The following GSR variants were observed in gnomAD, a reference collection of about 807,000 sequenced individuals.
The protein encoded by GSR is glutathione-disulfide reductase, also known as glutathione reductase, mitochondrial.
In GSR, 48 loss-of-function variants were observed where a neutral mutation model predicts 56.5. That is an observed-to-expected ratio of 0.85 (90% CI 0.67 to 1.08). The LOEUF is 1.08. GSR is among the 50% of genes least tolerant of loss of function. The pLI is 0.00. For missense variants in GSR, 694 were observed against 703.3 expected, an observed-to-expected ratio of 0.99 and a Z score of 0.15; for synonymous variants, 264 against 270.8, an observed-to-expected ratio of 0.97 and a Z score of 0.25.
At chr8:30,689,389 T>C in intron 8 of GSR, 70 bp from the exon 9 acceptor site, 1 of 1,258,962 alleles carries the variant, frequency 7.9e-7, no homozygotes, top group Non-Finnish European at 1.2e-6. Flanking sequence ...GGAAAGCAAA[T>C]ACAGAGGAAA....
rs202232422 is a variant in GSR, at chr8:30,689,138, T to C, written c.1041+23A>G. On this transcript the variant is annotated intron_variant, in intron 9 of 12. Transcript: ENST00000221130. ...GACTCCTAGTAGATTCACAAATGTTTCGGGCAGACCAAGCCAGCTTACCAG... is the reference window on the plus strand; with the variant it reads ...GACTCCTAGTAGATTCACAAATGTTCCGGGCAGACCAAGCCAGCTTACCAG... 2.9e-5 allele frequency: 46 copies of C among 1,612,496 alleles called. No individual in the cohort carries two copies. In the East Asian group the frequency reaches 9.8e-4, roughly 34 times the overall value.
intron 1 of GSR, among the ~76,000 whole-genome samples, chr8:30,725,190 C>T (rs1804682765): frequency 1.3e-5 from 2 of 152,158 alleles, no homozygotes; most frequent in South Asian, 4.1e-4. Context: ...TGCCTGTAAT[C>T]CCAGCATTTT....
intron 1 of GSR, 49 bp downstream of exon 1, chr8:30,727,481 G>T: frequency 1.3e-6 from 2 of 1,490,282 alleles, no homozygotes; most frequent in South Asian, 1.2e-5. Context: ...TCCCCCGAAA[G>T]ACCGAGACAA....
rs556155115 is a variant in GSR, at chr8:30,720,736, G to C, written c.306+6794C>G. On this transcript the variant is annotated intron_variant, in intron 1 of 12. Transcript: ENST00000221130. ...AGAAAATCAATGGATACATTTGCAAGAGATATTAACAAAGGCTGTTTTTGT... is the reference window on the plus strand; with the variant it reads ...AGAAAATCAATGGATACATTTGCAACAGATATTAACAAAGGCTGTTTTTGT... Among the ~76,000 whole-genome samples the C allele has an allele frequency of 8.2e-4, 125 of 151,686 alleles. 1 individual carries two copies. The South Asian group carries it at 0.01, about 12-fold the overall frequency.
chr8:30,707,092 T>C (rs1803945262), intron 4 of GSR: 1 of 152,112 alleles, frequency 6.6e-6, no homozygotes, highest in Admixed American at 6.6e-5. Flanking sequence ...GAGCTGAGAT[T>C]GTGCATTCCA....
chr8:30,724,874 C>T (rs1044677579), intron 1 of GSR, among the ~76,000 whole-genome samples: 1 of 152,146 alleles, frequency 6.6e-6, no homozygotes, highest in Non-Finnish European at 1.5e-5. Context: ...AGTAAATCTA[C>T]ATTTTACATA....
At chr8:30,692,206 T>G (rs1354256676) in intron 8 of GSR, among the ~76,000 whole-genome samples, 103 of 136,252 alleles carry the variant, frequency 7.6e-4, no homozygotes, top group African/African-American at 2.6e-3. Flanking sequence ...CTTTTTTTTT[T>G]TTTTTTTTTT....
intron 10 of GSR, among the ~76,000 whole-genome samples, chr8:30,683,268 A>C (rs538559627): frequency 6.6e-6 from 1 of 152,268 alleles, no homozygotes; most frequent in East Asian, 1.9e-4. Flanking sequence ...GAACTTTCTA[A>C]AGGAGCTAAA....
chr8:30,726,350 A>G (rs1753917272), intron 1 of GSR, among the ~76,000 whole-genome samples: 1 of 152,212 alleles, frequency 6.6e-6, no homozygotes, highest in Non-Finnish European at 1.5e-5. Context: ...TCATCTCCAA[A>G]GGAATTTAGA....
intron 8 of GSR, among the ~76,000 whole-genome samples, chr8:30,691,910 C>T (rs1803390149): frequency 6.6e-6 from 1 of 151,660 alleles, no homozygotes; most frequent in African/African-American, 2.4e-5. Flanking sequence ...ACCAGCCTGG[C>T]CAACATGGCT....
At chr8:30,716,006 G>A (rs1804321857) in intron 1 of GSR, among the ~76,000 whole-genome samples, 1 of 152,138 alleles carries the variant, frequency 6.6e-6, no homozygotes, top group African/African-American at 2.4e-5. Context: ...ACTCTGGTTT[G>A]TTTTTTTAGA....
intron 1 of GSR, 110 bp downstream of exon 1, chr8:30,727,420 G>A: frequency 9.0e-7 from 1 of 1,105,178 alleles, no homozygotes; most frequent in Non-Finnish European, 1.3e-6. Context: ...GTGGAAAAGA[G>A]GAAAGCCCAG....
Position 30,722,552 on chromosome 8 carries a change from C to A in GSR, c.306+4978G>T, listed in dbSNP as rs1804577989. On this transcript the variant is annotated intron_variant, in intron 1 of 12. Transcript: ENST00000221130. The stretch of plus-strand genomic sequence containing the variant: ...ACCAGCCTGGGCAACAAAGCAAGAC[C>A]TTGTCTCTACTAAAAATTTAAAAAA... Among the ~76,000 whole-genome samples, 2 of 152,058 alleles carry A rather than the reference C, an allele frequency of 1.3e-5. 1 individual carries two copies. Among genetic ancestry groups the A allele is most frequent in the South Asian group, 4.1e-4 (2 of 4,826 alleles).
intron 8 of GSR, among the ~76,000 whole-genome samples, chr8:30,692,717 T>C (rs761734552): frequency 3.3e-5 from 5 of 150,592 alleles, no homozygotes; most frequent in Non-Finnish European, 5.9e-5. Context: ...GGCCAGGCTG[T>C]TCTCGAAGTC....
chr8:30,726,148 T>C (rs1209519276), intron 1 of GSR, among the ~76,000 whole-genome samples: 1 of 152,164 alleles, frequency 6.6e-6, no homozygotes, highest in Non-Finnish European at 1.5e-5. Flanking sequence ...AGATTTTTCC[T>C]TTCTCTTCAT....
At chr8:30,721,757 A>G (rs2128749175) in intron 1 of GSR, among the ~76,000 whole-genome samples, 2 of 152,108 alleles carry the variant, frequency 1.3e-5, no homozygotes, top group Middle Eastern at 6.8e-3. Flanking sequence ...ACGGTGGCTC[A>G]TTTCTATAAT....
At chr8:30,700,950 G>A (rs932892205) in intron 5 of GSR, among the ~76,000 whole-genome samples, 1 of 152,048 alleles carries the variant, frequency 6.6e-6, no homozygotes, top group African/African-American at 2.4e-5. Context: ...CTTCTCCCCA[G>A]GTTGCAGTTC....
At chr8:30,705,269 A>AT (rs397732260) in intron 4 of GSR, among the ~76,000 whole-genome samples, 11 of 147,190 alleles carry the variant, frequency 7.5e-5, no homozygotes, top group Non-Finnish European at 1.4e-4. Context: ...CTACAAAAAA[A>AT]TTTTTTTTTT....
At chr8:30,702,274 T>C (rs533912749) in intron 5 of GSR, among the ~76,000 whole-genome samples, 7 of 149,902 alleles carry the variant, frequency 4.7e-5, no homozygotes, top group Middle Eastern at 3.5e-3. Context: ...GAGCTGAGGT[T>C]GTGCCACTGC....
Sources: allele counts gnomAD v4.1 joint callset (sites outside exome capture counted in the v4.1 genomes callset), GRCh38; gene constraint gnomAD v4.1.1; transcripts MANE v1.5; gene names NCBI Gene and HGNC (gene_info 2026-07-23, HGNC 2026-07-21).